ARHGAP15: variants seen among roughly 807,000 people sequenced by gnomAD.
ARHGAP15 encodes rho GTPase-activating protein 15.
In ARHGAP15, 51 loss-of-function variants were observed where a neutral mutation model predicts 63.7. That is an observed-to-expected ratio of 0.80 (90% confidence interval 0.64 to 1.01). The LOEUF (loss-of-function observed/expected upper bound fraction) is 1.01. Among genes scored for constraint, ARHGAP15 ranks in the 50% least tolerant of loss-of-function variants. ARHGAP15 has a pLI of 0.00. For synonymous variants in ARHGAP15, 191 were observed against 193.8 expected (o/e 0.99, Z 0.12); for missense variants, 560 against 564.6 (o/e 0.99, Z 0.08).
chr2:143,505,655 T>A (rs887056467), intron 9 of ARHGAP15, among the ~76,000 whole-genome samples: 12 of 152,182 alleles, frequency 7.9e-5, no homozygotes, highest in African/African-American at 2.9e-4. Flanking sequence ...ATGGCATTCC[T>A]GAGTAGAGGT....
At chr2:143,569,171 CAAA>C (rs34628456) in intron 11 of ARHGAP15, among the ~76,000 whole-genome samples, 2 of 150,304 alleles carry the variant, frequency 1.3e-5, no homozygotes, top group African/African-American at 2.5e-5. Context: ...ATAATTTAAA[CAAA>C]AAAAAAGCCT....
intron 3 of ARHGAP15, among the ~76,000 whole-genome samples, chr2:143,203,958 C>T (rs1438873003): frequency 6.6e-6 from 1 of 152,024 alleles, no homozygotes; most frequent in Non-Finnish European, 1.5e-5. Context: ...AAACTGATCC[C>T]GATTTTTGCC....
chr2:143,214,840 C>A (rs1364427888), intron 3 of ARHGAP15, among the ~76,000 whole-genome samples: 1 of 152,148 alleles, frequency 6.6e-6, no homozygotes, highest in African/African-American at 2.4e-5. Context: ...AGACATTTAA[C>A]CAGTGAGATT....
At chr2:143,755,730 C>A in intron 13 of ARHGAP15, among the ~76,000 whole-genome samples, 1 of 152,110 alleles carries the variant, frequency 6.6e-6, no homozygotes, top group East Asian at 1.9e-4. Flanking sequence ...AATCCCAGCA[C>A]TTTGGAGGGC....
chr2:143,459,547 ATATAAG>A (rs961636578), intron 8 of ARHGAP15, among the ~76,000 whole-genome samples: 1 of 152,180 alleles, frequency 6.6e-6, no homozygotes, highest in African/African-American at 2.4e-5. Flanking sequence ...TCAGGGGTGT[ATATAAG>A]TATTTTATCT....
intron 9 of ARHGAP15, among the ~76,000 whole-genome samples, chr2:143,490,003 T>C (rs1692509626): frequency 6.6e-6 from 1 of 152,126 alleles, no homozygotes; most frequent in Non-Finnish European, 1.5e-5. Context: ...TTGTTTTTGT[T>C]TTTGTTTTTG....
intron 13 of ARHGAP15, among the ~76,000 whole-genome samples, chr2:143,736,373 G>A (rs1313303528): frequency 2.7e-5 from 4 of 150,612 alleles, no homozygotes; most frequent in African/African-American, 9.8e-5. Context: ...TCCAGCCTGG[G>A]CAACAAGAGC....
intron 13 of ARHGAP15, among the ~76,000 whole-genome samples, chr2:143,721,344 T>G (rs539927874): frequency 6.6e-6 from 1 of 152,322 alleles, no homozygotes; most frequent in South Asian, 2.1e-4. Context: ...AGCAGAAACA[T>G]GGAGTGTCCA....
chr2:143,463,350 T>C (rs565002189), intron 8 of ARHGAP15, among the ~76,000 whole-genome samples: 7 of 152,220 alleles, frequency 4.6e-5, no homozygotes, highest in Non-Finnish European at 1.0e-4. Context: ...GGGACTAGCC[T>C]GGCCAACATG....
At chr2:143,174,522 G>GTA (rs1157688207) in intron 2 of ARHGAP15, among the ~76,000 whole-genome samples, 4 of 152,090 alleles carry the variant, frequency 2.6e-5, no homozygotes, top group African/African-American at 9.7e-5. Context: ...TGTTTGCCAA[G>GTA]TATGCTTAGC....
intron 8 of ARHGAP15, among the ~76,000 whole-genome samples, chr2:143,445,153 A>ACTTTTTTTTTTTTTTTTTTTT (rs765945989): frequency 1.3e-5 from 1 of 74,426 alleles, no homozygotes; most frequent in African/African-American, 5.4e-5. Context: ...AAGAACAATT[A>ACTTTTTTTTTTTTTTTTTTTT]TTTTTTTTTT....
At chr2:143,481,468 G>A (rs952401862) in intron 8 of ARHGAP15, among the ~76,000 whole-genome samples, 5 of 152,084 alleles carry the variant, frequency 3.3e-5, no homozygotes, top group Non-Finnish European at 7.4e-5. Context: ...CAGCAGTTTG[G>A]CAGGAAAAGA....
At chr2:143,667,275 A>T (rs1245996290) in intron 12 of ARHGAP15, among the ~76,000 whole-genome samples, 3 of 150,394 alleles carry the variant, frequency 2.0e-5, no homozygotes, top group Admixed American at 2.0e-4. Context: ...TTGTAGGGAC[A>T]TGGATGAAAT....
chr2:143,513,468 C>T (rs1351084792), intron 9 of ARHGAP15, among the ~76,000 whole-genome samples: 1 of 152,192 alleles, frequency 6.6e-6, no homozygotes, highest in Admixed American at 6.5e-5. Context: ...CTAGCCTTTT[C>T]ACCTCTAAAG....
intron 13 of ARHGAP15, among the ~76,000 whole-genome samples, chr2:143,729,014 G>T (rs1000934110): frequency 4.6e-5 from 7 of 152,172 alleles, no homozygotes; most frequent in Admixed American, 6.5e-5. Flanking sequence ...CGACACTCAA[G>T]TTTCCTCCGC....
At chr2:143,757,744 A>G (rs951106719) in intron 13 of ARHGAP15, among the ~76,000 whole-genome samples, 6 of 152,130 alleles carry the variant, frequency 3.9e-5, no homozygotes, top group African/African-American at 1.2e-4. Flanking sequence ...AATATTTACA[A>G]TGAATTAGAT....
At chr2:143,190,081 A>G (rs552890926) in intron 2 of ARHGAP15, among the ~76,000 whole-genome samples, 1 of 152,284 alleles carries the variant, frequency 6.6e-6, no homozygotes, top group East Asian at 1.9e-4. Context: ...ATGAGAACAG[A>G]GAGTGTTTTA....
At chr2:143,267,859 T>A (rs1462894183) in intron 6 of ARHGAP15, among the ~76,000 whole-genome samples, 1 of 152,140 alleles carries the variant, frequency 6.6e-6, no homozygotes, top group African/African-American at 2.4e-5. Context: ...CAAAAAATAT[T>A]TTCTCTAGCT....
chr2:143,586,899 A>C (rs1010496138), intron 11 of ARHGAP15, among the ~76,000 whole-genome samples: 2 of 149,166 alleles, frequency 1.3e-5, no homozygotes, highest in African/African-American at 4.9e-5. Context: ...CAATCTCTCA[A>C]TCTCTCTCTC....
Sources: gnomAD v4.1 joint callset for allele counts (sites outside exome capture counted in the v4.1 genomes callset) on GRCh38, gnomAD v4.1.1 for gene constraint, MANE v1.5 for transcripts, NCBI Gene and HGNC (gene_info 2026-07-23, HGNC 2026-07-21) for gene names.